The following APAF1 variants were observed in gnomAD, a reference collection of about 807,000 sequenced individuals.
APAF1 encodes apoptotic protease-activating factor 1.
Under a neutral mutation model 152.4 loss-of-function variants are expected in APAF1, and 91 were observed. The ratio of observed to expected loss-of-function variants is 0.60; its 90% CI spans 0.50 to 0.71. The LOEUF (loss-of-function observed/expected upper bound fraction) is 0.71. Ranked by LOEUF, APAF1 falls within the 30% of genes least tolerant of loss-of-function variation. The pLI, the probability that APAF1 is intolerant of heterozygous loss-of-function variation, is 0.00. For synonymous variants in APAF1, 484 were observed against 494.1 expected (o/e 0.98, Z 0.27); for missense variants, 1,283 against 1,472.0 (o/e 0.87, Z 2.10).
chr12:98,662,257 A>C lies in APAF1; in HGVS notation c.711-199A>C, dbSNP rs540618689. On this transcript the variant is annotated intron_variant, in intron 5 of 26. Coordinates refer to ENST00000551964, the MANE Select transcript of APAF1 (RefSeq NM_181861.2). ...GGGTTTGAGGAGAAGGCAGTCTCTA[A>C]TTTTTTTTTTCCTTATTTGAATCAG... Among the ~76,000 whole-genome samples the C allele has an allele frequency of 5.4e-5, 8 of 147,866 alleles. No individual in the cohort carries two copies. In the East Asian group the frequency reaches 1.6e-3, roughly 29 times the overall value.
intron 26 of APAF1, among the ~76,000 whole-genome samples, chr12:98,729,078 G>A (rs2097756057): frequency 6.6e-6 from 1 of 152,212 alleles, no homozygotes; most frequent in East Asian, 1.9e-4. Flanking sequence ...GAAGGGGTCT[G>A]GGACATGCTT....
rs2097733568 is a variant in APAF1 at position 98,715,367 on chromosome 12, G to A, written c.2959-60G>A. ...CTAATTTTAGTTTAATATCTTTGGG[G>A]TGTAATGCCTATGTATTGCTTAGTT... On this transcript the variant is annotated intron_variant, in intron 21 of 26. Transcript: ENST00000551964. 3.2e-6 allele frequency: 5 copies of A among 1,545,458 alleles called. No individual in the cohort carries two copies. In the South Asian group the frequency reaches 5.6e-5, roughly 17 times the overall value.
chr12:98,703,015 C>T (rs1387703784), intron 17 of APAF1, among the ~76,000 whole-genome samples: 1 of 152,050 alleles, frequency 6.6e-6, no homozygotes, highest in Non-Finnish European at 1.5e-5. Flanking sequence ...TTTTGATCAT[C>T]TTCATTTATG....
At chr12:98,705,125 G>A (rs578174920) in intron 18 of APAF1, among the ~76,000 whole-genome samples, 26 of 123,716 alleles carry the variant, frequency 2.1e-4, no homozygotes, top group African/African-American at 5.5e-4. Flanking sequence ...AATGTGGAGC[G>A]TTTGTTAGGA....
chr12:98,667,409 C>T (rs191392578), intron 9 of APAF1, 104 bp from the exon 10 acceptor site: 3 of 1,429,790 alleles, frequency 2.1e-6, no homozygotes, highest in Admixed American at 3.4e-5. Context: ...AGCCACCGAG[C>T]CCGGCCTCTC....
At chr12:98,681,843 T>C (rs1314165346) in intron 14 of APAF1, among the ~76,000 whole-genome samples, 1 of 152,142 alleles carries the variant, frequency 6.6e-6, no homozygotes, top group African/African-American at 2.4e-5. Flanking sequence ...ATTAAAGAAC[T>C]TTAAAATAAG....
intron 1 of APAF1, among the ~76,000 whole-genome samples, chr12:98,646,742 T>C (rs2097641148): frequency 6.6e-6 from 1 of 152,242 alleles, no homozygotes; most frequent in African/African-American, 2.4e-5. Context: ...TTTTGAAAAC[T>C]TGCAGATATT....
intron 26 of APAF1, among the ~76,000 whole-genome samples, chr12:98,727,581 T>A (rs578193753): frequency 4.8e-5 from 7 of 146,602 alleles, no homozygotes; most frequent in East Asian, 2.0e-4. Context: ...GTAAAATGAG[T>A]TTAGTAACTA....
At chr12:98,730,135 C>G (rs2097758352) in intron 26 of APAF1, among the ~76,000 whole-genome samples, 1 of 152,126 alleles carries the variant, frequency 6.6e-6, no homozygotes, top group African/African-American at 2.4e-5. Flanking sequence ...TGTATGTTAT[C>G]CCTTTACAAG....
intron 17 of APAF1, among the ~76,000 whole-genome samples, chr12:98,701,772 C>G (rs1280870476): frequency 6.6e-6 from 1 of 152,134 alleles, no homozygotes; most frequent in Non-Finnish European, 1.5e-5. Context: ...ATGTAGATCC[C>G]GATTTCTTAC....
chr12:98,705,188 T>C (rs1048334835), intron 18 of APAF1, among the ~76,000 whole-genome samples: 1 of 152,114 alleles, frequency 6.6e-6, no homozygotes, highest in Non-Finnish European at 1.5e-5. Flanking sequence ...TCTTGTCACT[T>C]CTAAAGTCCT....
chr12:98,699,194 C>A (rs2153333885), intron 16 of APAF1, among the ~76,000 whole-genome samples: 1 of 152,242 alleles, frequency 6.6e-6, no homozygotes, highest in South Asian at 2.1e-4. Context: ...TTATGTTCTG[C>A]ATTTTGGGCA....
At chr12:98,660,705 G>A (rs146734785) in intron 5 of APAF1, among the ~76,000 whole-genome samples, 173 of 152,248 alleles carry the variant, frequency 1.1e-3, no homozygotes, top group Non-Finnish European at 1.7e-3. Flanking sequence ...TGGGCCAAGT[G>A]CTGCAAGTAC....
rs1445022927 is a variant in APAF1 at position 98,703,359 on chromosome 12, T to G, written c.2467-12T>G. On this transcript the variant is annotated splice_polypyrimidine_tract_variant and intron_variant, in intron 17 of 26. Coordinates refer to ENST00000551964, the MANE Select transcript of APAF1 (RefSeq NM_181861.2). Reference sequence around the variant, plus strand: ...ATTTTACCTTCATAGGTATCTCTATTTATGTTGACAGCTTTTTGACATTCA... The same window carrying G: ...ATTTTACCTTCATAGGTATCTCTATGTATGTTGACAGCTTTTTGACATTCA... 6.2e-7 allele frequency: 1 copy of G among 1,613,998 alleles called. No individual in the cohort carries two copies. Among genetic ancestry groups the G allele is most frequent in the African/African-American group, 1.3e-5 (1 of 75,048 alleles).
At chr12:98,715,259 T>TG (rs2097733150) in intron 21 of APAF1, among the ~76,000 whole-genome samples, 168 bp from the exon 22 acceptor site, 1 of 124,514 alleles carries the variant, frequency 8.0e-6, no homozygotes, top group East Asian at 2.4e-4. Flanking sequence ...TATATATATA[T>TG]ATATATATAT....
chr12:98,731,419 A>C (rs17028651), intron 26 of APAF1, among the ~76,000 whole-genome samples: 3,244 of 152,330 alleles, frequency 0.021, 122 homozygotes, highest in African/African-American at 0.075. Flanking sequence ...GACTGAAAAC[A>C]AATGAATCTC....
chr12:98,687,871 G>T (rs1208993766), intron 16 of APAF1, among the ~76,000 whole-genome samples: 2 of 152,112 alleles, frequency 1.3e-5, no homozygotes, highest in African/African-American at 4.8e-5. Flanking sequence ...GAGTACAATG[G>T]TGTGATCTTG....
At chr12:98,681,086 G>A (rs1394763966) in intron 14 of APAF1, among the ~76,000 whole-genome samples, 3 of 152,160 alleles carry the variant, frequency 2.0e-5, no homozygotes, top group Admixed American at 2.0e-4. Context: ...TTTTGAGGCA[G>A]AGTCTTGCTC....
At chr12:98,715,237 TATATATA>T (rs1565890497) in intron 21 of APAF1, among the ~76,000 whole-genome samples, 183 bp from the exon 22 acceptor site, 1 of 5,088 alleles carries the variant, frequency 2.0e-4, no homozygotes, top group East Asian at 0.011. Context: ...ATGGTGTGCA[TATATATA>T]TATATATATA....
Sources: allele counts gnomAD v4.1 joint callset (sites outside exome capture counted in the v4.1 genomes callset), GRCh38; gene constraint gnomAD v4.1.1; transcripts MANE v1.5; gene names NCBI Gene and HGNC (gene_info 2026-07-23, HGNC 2026-07-21).